TSPAN12: variants seen among roughly 807,000 people sequenced by gnomAD.
The protein encoded by TSPAN12 is tetraspanin-12.
Under a neutral mutation model 39.2 loss-of-function variants are expected in TSPAN12, and 19 were observed. The observed-to-expected ratio is 0.49, with a 90% confidence interval of 0.34 to 0.71. The LOEUF (loss-of-function observed/expected upper bound fraction) is 0.71. TSPAN12 is among the 30% of genes least tolerant of loss of function. The probability of loss-of-function intolerance (pLI) is 0.01; values close to 1 mark genes in which losing one functional copy is unlikely to be tolerated. For synonymous variants in TSPAN12, 119 were observed against 124.8 expected, an observed-to-expected ratio of 0.95 and a Z score of 0.31; for missense variants, 314 against 359.9, an observed-to-expected ratio of 0.87 and a Z score of 1.03.
At chr7:120,808,496 A>C (rs1462784806) in intron 6 of TSPAN12, among the ~76,000 whole-genome samples, 2 of 152,122 alleles carry the variant, frequency 1.3e-5, no homozygotes, top group African/African-American at 2.4e-5. Context: ...TAATGTGTCA[A>C]GCTCTAGAAA....
chr7:120,846,964 C>G (rs776632801), intron 2 of TSPAN12, among the ~76,000 whole-genome samples: 10 of 152,008 alleles, frequency 6.6e-5, no homozygotes, highest in Non-Finnish European at 1.3e-4. Context: ...CGAGGGAAGG[C>G]AACATGACAT....
chr7:120,797,651 C>G lies in TSPAN12; in HGVS notation c.613-8754G>C, dbSNP rs1000955110. Among the ~76,000 whole-genome samples, 4 of 152,200 alleles carry G rather than the reference C, an allele frequency of 2.6e-5. No homozygotes were observed. In the South Asian group the frequency reaches 6.2e-4, roughly 24 times the overall value. ...CAAAATGGAACTACTCAACTCTAAC[C>G]ACTCCCTTCAGTAAATGGCTTCCTC... is the stretch of plus-strand genomic sequence containing the variant. On this transcript the variant is annotated intron_variant, in intron 7 of 7. Coordinates refer to ENST00000222747, the MANE Select transcript of TSPAN12 (RefSeq NM_012338.4).
intron 2 of TSPAN12, among the ~76,000 whole-genome samples, chr7:120,845,116 TG>T (rs969159534): frequency 3.9e-5 from 6 of 152,200 alleles, no homozygotes; most frequent in Non-Finnish European, 8.8e-5. Flanking sequence ...GAGATGTACC[TG>T]GGCCCCTTTA....
chr7:120,799,146 C>A (rs1023182924), intron 7 of TSPAN12, among the ~76,000 whole-genome samples: 5 of 152,000 alleles, frequency 3.3e-5, no homozygotes, highest in African/African-American at 1.2e-4. Flanking sequence ...CCTGCCTTAG[C>A]CTTCTCTTTT....
At chr7:120,811,029 T>G (rs1562941976) in intron 5 of TSPAN12, among the ~76,000 whole-genome samples, 1 of 152,186 alleles carries the variant, frequency 6.6e-6, no homozygotes, top group Non-Finnish European at 1.5e-5. Context: ...GGGAAAGAAT[T>G]TGGCTCAACT....
rs1042842647 is a variant in TSPAN12, at chr7:120,815,595, C to A, written c.360+134G>T. On this transcript the variant is annotated intron_variant, in intron 5 of 7. Transcript: ENST00000222747. ...CTGAGGCCTCCCCAGCCATGCTGAA[C>A]TGTGAGTTAATTTACAAATTACCCA... 7.8e-5 allele frequency: 65 copies of A among 834,084 alleles called. No homozygotes were observed. In the African/African-American group the frequency reaches 1.1e-3, roughly 14 times the overall value. 51.7% of individuals were successfully genotyped at this position (834,084 alleles called of 1,614,324 possible).
chr7:120,799,744 T>C (rs1240105972), intron 7 of TSPAN12, among the ~76,000 whole-genome samples: 7 of 132,534 alleles, frequency 5.3e-5, no homozygotes, highest in African/African-American at 1.7e-4. Flanking sequence ...TTTATTTATA[T>C]ATATAATTTA....
chr7:120,856,747 G>A lies in TSPAN12; in HGVS notation c.17C>T (p.Ser6Phe). ...GAGCAGGCAGCGCAGACACTTCACG[G>A]AATCTTCTCTGGCCATTGTGAGCCC... MARED[S>F]VKCLRCLLYA... Residue 6 changes from serine (S) to phenylalanine (F), a missense_variant, in exon 2 of 8, where the codon TCC becomes TTC. Coordinates refer to ENST00000222747, the MANE Select transcript of TSPAN12 (RefSeq NM_012338.4). 1 of 1,614,170 alleles carries A rather than the reference G, an allele frequency of 6.2e-7. No homozygotes were observed. The highest frequency in any genetic ancestry group is 1.7e-5 in the Admixed American group (1 of 60,034).
intron 7 of TSPAN12, among the ~76,000 whole-genome samples, chr7:120,801,271 G>A (rs376911334): frequency 7.2e-5 from 11 of 152,062 alleles, no homozygotes; most frequent in African/African-American, 1.9e-4. Context: ...GGAGAAAAAC[G>A]TCACATCCCT....
At chr7:120,849,822 A>C (rs1794737634) in intron 2 of TSPAN12, among the ~76,000 whole-genome samples, 1 of 152,228 alleles carries the variant, frequency 6.6e-6, no homozygotes, top group African/African-American at 2.4e-5. Context: ...CCTGGGCTCA[A>C]CTGATCCTCC....
chr7:120,798,142 G>A lies in TSPAN12; in HGVS notation c.612+8407C>T, dbSNP rs139099593. Among the ~76,000 whole-genome samples, 612 of 152,266 alleles carry A rather than the reference G, an allele frequency of 4.0e-3. 2 individuals are homozygous for A. The highest frequency in any genetic ancestry group is 0.024 in the Middle Eastern group (7 of 294). On this transcript the variant is annotated intron_variant, in intron 7 of 7. Coordinates refer to ENST00000222747, the MANE Select transcript of TSPAN12 (RefSeq NM_012338.4). ...GAAACTCACAATTGAATGATGTCGA[G>A]AAACAGAGTGAAAGAAAAGAAGAAT...
chr7:120,855,849 T>C (rs1794859882), intron 2 of TSPAN12, among the ~76,000 whole-genome samples: 1 of 152,130 alleles, frequency 6.6e-6, no homozygotes, highest in African/African-American at 2.4e-5. Context: ...CAATAAAATT[T>C]GTAACAGAAA....
At chr7:120,834,005 T>C (rs1349704134) in intron 4 of TSPAN12, among the ~76,000 whole-genome samples, 3 of 152,168 alleles carry the variant, frequency 2.0e-5, no homozygotes, top group African/African-American at 7.2e-5. Context: ...TTCCAGTTTC[T>C]TTTCTTAGTC....
intron 4 of TSPAN12, among the ~76,000 whole-genome samples, chr7:120,837,274 T>C (rs1002878828): frequency 3.9e-5 from 6 of 152,088 alleles, no homozygotes; most frequent in Non-Finnish European, 8.8e-5. Context: ...AGTAGGCATG[T>C]TTCCCCATCT....
intron 7 of TSPAN12, among the ~76,000 whole-genome samples, chr7:120,797,461 T>G (rs1322892672): frequency 2.0e-5 from 3 of 152,266 alleles, no homozygotes; most frequent in African/African-American, 4.8e-5. Flanking sequence ...GAAAGAGAGA[T>G]AAACTCCCAG....
intron 2 of TSPAN12, among the ~76,000 whole-genome samples, chr7:120,845,453 A>G (rs900998356): frequency 6.6e-6 from 1 of 151,788 alleles, no homozygotes; most frequent in Admixed American, 6.6e-5. Context: ...CCTTCTAAAT[A>G]TAAGTTCCAG....
intron 4 of TSPAN12, among the ~76,000 whole-genome samples, chr7:120,817,757 T>A (rs907516382): frequency 1.3e-5 from 2 of 152,074 alleles, no homozygotes; most frequent in Non-Finnish European, 2.9e-5. Flanking sequence ...TTAGCAGGAA[T>A]AAAACTTCTT....
chr7:120,848,403 A>C (rs1794712066), intron 2 of TSPAN12, among the ~76,000 whole-genome samples: 1 of 152,208 alleles, frequency 6.6e-6, no homozygotes. Context: ...TGAATGAGAA[A>C]ATAATTAAAT....
chr7:120,855,082 A>G (rs1046398552), intron 2 of TSPAN12, among the ~76,000 whole-genome samples: 1 of 152,216 alleles, frequency 6.6e-6, no homozygotes, highest in Non-Finnish European at 1.5e-5. Flanking sequence ...TTTTTGTTGA[A>G]TGATTTGGTT....
Sources: allele counts gnomAD v4.1 joint callset (sites outside exome capture counted in the v4.1 genomes callset), GRCh38; gene constraint gnomAD v4.1.1; transcripts MANE v1.5; gene names NCBI Gene and HGNC (gene_info 2026-07-23, HGNC 2026-07-21).